The following RGS2 variants were observed in gnomAD, a reference collection of about 807,000 sequenced individuals.
RGS2 encodes G0 to G1 switch regulatory 8, 24kD.
RGS2 carries 20 observed loss-of-function variants against 26.6 expected under a neutral mutation model. The observed-to-expected ratio is 0.75, with a 90% confidence interval of 0.53 to 1.09. RGS2 has a LOEUF of 1.09. Among genes scored for constraint, RGS2 ranks in the 50% least tolerant of loss-of-function variants. The pLI, the probability that RGS2 is intolerant of heterozygous loss-of-function variation, is 0.00. For missense variants in RGS2, 246 were observed against 245.5 expected (o/e 1.00, Z -0.01); for synonymous variants, 97 against 79.9 (o/e 1.21, Z -1.14).
At chr1:192,810,052 T>C in intron 1 of RGS2, 114 bp from the exon 2 acceptor site, 3 of 721,666 alleles carry the variant, frequency 4.2e-6, no homozygotes, top group Non-Finnish European at 7.4e-6. Flanking sequence ...TGCTTTGCCT[T>C]ATGCGGTTTG....
intron 4 of RGS2, 122 bp from the exon 5 acceptor site, chr1:192,811,280 A>C: frequency 7.6e-7 from 1 of 1,314,460 alleles, no homozygotes; most frequent in Non-Finnish European, 1.1e-6. Flanking sequence ...GTTATGTTAA[A>C]GTTCTCCTGT....
At chr1:192,810,838 A>G (rs1038958039) in intron 3 of RGS2, 143 bp from the exon 4 acceptor site, 31 of 974,400 alleles carry the variant, frequency 3.2e-5, no homozygotes, top group Non-Finnish European at 1.6e-6. Flanking sequence ...TTAAAAAGCT[A>G]AATTTTGAGA....
chr1:192,811,042 C>G lies in RGS2; in HGVS notation c.336C>G (p.Phe112Leu). 1 of 1,614,100 alleles carries G rather than the reference C, an allele frequency of 6.2e-7. No individual in the cohort carries two copies. Among genetic ancestry groups the G allele is most frequent in the Non-Finnish European group, 8.5e-7 (1 of 1,179,994 alleles). The stretch of plus-strand genomic sequence containing the variant: ...AATTCTGTGAAGAAAATATTGAATT[C>G]TGGCTGGCCTGTGAAGACTTCAAAA... ...KSEFCEENIEFWLACEDFKKT... is the reference protein window; with the variant it reads ...KSEFCEENIELWLACEDFKKT... Residue 112 changes from phenylalanine to leucine, a missense_variant, in exon 4 of 5, where the codon TTC (phenylalanine) becomes TTG (leucine). Physicochemically the swap from Phe to Leu is conservative, Grantham distance 22. Coordinates refer to ENST00000235382, the MANE Select transcript of RGS2 (RefSeq NM_002923.4).
chr1:192,810,184 C>T lies in RGS2; in HGVS notation c.129C>T (p.Thr43=), dbSNP rs753347945. The T allele has an allele frequency of 1.9e-6, 3 of 1,610,622 alleles. No individual in the cohort carries two copies. The highest frequency in any genetic ancestry group is 1.7e-4 in the Middle Eastern group (1 of 6,054). The change falls in exon 2 of 5, where the codon ACC becomes ACT. Residue 43 remains threonine (T), a synonymous_variant. Coordinates refer to ENST00000235382, the MANE Select transcript of RGS2 (RefSeq NM_002923.4). Reference sequence around the variant, plus strand: ...GTTTTAGTTTAAAAGATTGGAAGACCCGTTTGAGCTACTTCTTACAAAATT... The same window carrying T: ...GTTTTAGTTTAAAAGATTGGAAGACTCGTTTGAGCTACTTCTTACAAAATT... ...MKRTLLKDWK[T]RLSYFLQNSS...
Position 192,810,256 on chromosome 1 carries a change from A to T in RGS2, c.201A>T (p.Gln67His). ...AAACCGGCAAAAAAAGCAAACAGCA[A>T]GCTTTCATCAAGTAAGTTGAGAATC... ...KPKTGKKSKQ[Q>H]AFIKPSPEEA... Residue 67 changes from glutamine to histidine, a missense_variant, in exon 2 of 5, where the codon CAA becomes CAT. Transcript: ENST00000235382. 1 of 1,613,746 alleles carries T rather than the reference A, an allele frequency of 6.2e-7. No homozygotes were observed. Among genetic ancestry groups the T allele is most frequent in the Non-Finnish European group, 8.5e-7 (1 of 1,179,536 alleles).
At position 192,812,009 on chromosome 1, in the gene RGS2, A is replaced by G. The variant is rs1482142515; in HGVS notation, c.*413A>G. On this transcript the variant is annotated 3_prime_UTR_variant, in exon 5 of 5. Coordinates refer to ENST00000235382, the MANE Select transcript of RGS2 (RefSeq NM_002923.4). ...TACCACATAGTAGTTTTAGTTTAGG[A>G]TTCAGTAACAGTGAAGTGTTTACTA... 2 of 271,130 alleles carry G rather than the reference A, an allele frequency of 7.4e-6. No homozygotes were observed. The highest frequency in any genetic ancestry group is 3.9e-5 in the South Asian group (1 of 25,532). 16.8% of individuals were successfully genotyped at this position (271,130 alleles called of 1,614,324 possible).
chr1:192,809,270 A>G (rs1213281740), intron 1 of RGS2, 89 bp downstream of exon 1: 10 of 947,114 alleles, frequency 1.1e-5, no homozygotes, highest in Middle Eastern at 2.1e-4. Context: ...CTTTGACGTT[A>G]GGAAACTAGC....
chr1:192,810,864 G>T (rs2102106416), intron 3 of RGS2, 117 bp from the exon 4 acceptor site: 4 of 1,226,414 alleles, frequency 3.3e-6, no homozygotes, highest in Non-Finnish European at 4.8e-6. Flanking sequence ...AGGTTTGAGC[G>T]AAATCTAGAA....
Position 192,811,065 on chromosome 1 carries a change from A to G in RGS2, c.359A>G (p.Lys120Arg), listed in dbSNP as rs192640504. The change falls in exon 4 of 5, where the codon AAA (lysine) becomes AGA (arginine). Residue 120 changes from lysine (K) to arginine (R), a missense_variant. Transcript: ENST00000235382. ...IEFWLACEDF[K>R]KTKSPQKLSS... ...TTCTGGCTGGCCTGTGAAGACTTCA[A>G]AAAAACCAAATCACCCCAAAAGCTG... The G allele has an allele frequency of 3.0e-5, 49 of 1,614,174 alleles. No homozygotes were observed. Among genetic ancestry groups the G allele is most frequent in the South Asian group, 4.4e-5 (4 of 91,086 alleles).
chr1:192,811,810 C>T lies in RGS2; in HGVS notation c.*214C>T. The T allele has an allele frequency of 1.9e-5, 11 of 593,964 alleles. No homozygotes were observed. In the South Asian group the frequency reaches 2.1e-4, roughly 12 times the overall value. The allele number at this position is 593,964 out of a possible 1,614,324, so 36.8% of individuals were successfully genotyped here. A position where few individuals can be genotyped will look rare whatever the true frequency, so the allele number is the denominator to read the frequency against. On this transcript the variant is annotated 3_prime_UTR_variant, in exon 5 of 5. Coordinates refer to ENST00000235382, the MANE Select transcript of RGS2 (RefSeq NM_002923.4). ...ACAGCTTCCCTCACTGTGTACAGAACGCAAGAAGGGAATAGGTGGTCTGAA... is the reference window on the plus strand; with the variant it reads ...ACAGCTTCCCTCACTGTGTACAGAATGCAAGAAGGGAATAGGTGGTCTGAA...
chr1:192,811,223 A>G (rs1665586847), intron 4 of RGS2, 76 bp downstream of exon 4: 1 of 1,568,182 alleles, frequency 6.4e-7, no homozygotes, highest in Non-Finnish European at 8.8e-7. Context: ...AATCAAGGAC[A>G]AAGCGGGCTA....
At position 192,809,313 on chromosome 1, in the gene RGS2, G is replaced by T. The variant is rs1665548944; in HGVS notation, c.110+132G>T. 9.6e-6 allele frequency: 7 copies of T among 732,592 alleles called. 1 individual carries two copies. The highest frequency in any genetic ancestry group is 8.7e-5 in the South Asian group (6 of 68,918). 45.4% of individuals were successfully genotyped at this position (732,592 alleles called of 1,614,324 possible). A position where few individuals can be genotyped will look rare whatever the true frequency, so the allele number is the denominator to read the frequency against. On this transcript the variant is annotated intron_variant, in intron 1 of 4. Transcript: ENST00000235382. The stretch of plus-strand genomic sequence containing the variant: ...TATGCAGGGAAAAAAAATCGAAAAG[G>T]TCAATTTGTTAAGTAAGGTTAAATC...
intron 1 of RGS2, among the ~76,000 whole-genome samples, chr1:192,809,903 A>G (rs535887327): frequency 7.2e-5 from 11 of 152,360 alleles, no homozygotes; most frequent in African/African-American, 2.6e-4. Context: ...TTCATTAACA[A>G]TTCTTTAAAA....
intron 3 of RGS2, 54 bp downstream of exon 3, chr1:192,810,485 G>T: frequency 6.5e-7 from 1 of 1,539,574 alleles, no homozygotes; most frequent in Non-Finnish European, 9.0e-7. Context: ...GCCTGGAAAG[G>T]CTGCGTCCAC....
At position 192,811,476 on chromosome 1, in the gene RGS2, T is replaced by C; in HGVS notation, c.516T>C (p.Thr172=). 1 of 1,614,104 alleles carries C rather than the reference T, an allele frequency of 6.2e-7. No homozygotes were observed. The highest frequency in any genetic ancestry group is 8.5e-7 in the Non-Finnish European group (1 of 1,179,926). The change falls in exon 5 of 5, where the codon ACT becomes ACC. Residue 172 remains threonine, a synonymous_variant. Coordinates refer to ENST00000235382, the MANE Select transcript of RGS2 (RefSeq NM_002923.4). ...IQEATSGCFT[T]AQKRVYSLME... is the part of the protein sequence containing the mutation. Reference sequence around the variant, plus strand: ...AAGCTACAAGTGGCTGCTTTACAACTGCCCAGAAAAGGGTATACAGCTTGA... The same window carrying C: ...AAGCTACAAGTGGCTGCTTTACAACCGCCCAGAAAAGGGTATACAGCTTGA...
chr1:192,811,655 C>G lies in RGS2; in HGVS notation c.*59C>G. 6.8e-7 allele frequency: 1 copy of G among 1,478,464 alleles called. No homozygotes were observed. The highest frequency in any genetic ancestry group is 9.5e-7 in the Non-Finnish European group (1 of 1,057,356). 91.6% of individuals were successfully genotyped at this position (1,478,464 alleles called of 1,614,324 possible). ...TCATTCTTTTTCCTGAGGGGAAGGA[C>G]TGTGACCTGCCATAAAGACTGACCT... On this transcript the variant is annotated 3_prime_UTR_variant, in exon 5 of 5. Transcript: ENST00000235382.
chr1:192,809,266 C>T (rs1665548119), intron 1 of RGS2, 85 bp downstream of exon 1: 2 of 959,566 alleles, frequency 2.1e-6, no homozygotes, highest in East Asian at 2.4e-5. Flanking sequence ...TCGCCTTTGA[C>T]GTTAGGAAAC....
intron 1 of RGS2, chr1:192,809,546 T>TG (rs1202683638): frequency 1.4e-5 from 5 of 362,474 alleles, no homozygotes; most frequent in Non-Finnish European, 2.7e-5. Flanking sequence ...GTGATGCTCT[T>TG]GCTGGTTCTG....
At chr1:192,809,254 G>A (rs1240949237) in intron 1 of RGS2, 73 bp downstream of exon 1, 2 of 1,118,368 alleles carry the variant, frequency 1.8e-6, no homozygotes, top group Non-Finnish European at 2.7e-6. Flanking sequence ...GTACTTTCGG[G>A]CTCGCCTTTG....
Sources: allele counts gnomAD v4.1 joint callset (sites outside exome capture counted in the v4.1 genomes callset), GRCh38; gene constraint gnomAD v4.1.1; transcripts MANE v1.5; gene names NCBI Gene and HGNC (gene_info 2026-07-23, HGNC 2026-07-21).